Variants in UBXN2B observed in about 807,000 individuals in gnomAD.
UBXN2B encodes UBX domain-containing protein 2B.
In UBXN2B, 19 loss-of-function variants were observed where a neutral mutation model predicts 37.5. That is an observed-to-expected ratio of 0.51 (90% CI 0.35 to 0.74). The LOEUF (loss-of-function observed/expected upper bound fraction) is 0.74, where lower values mean the gene tolerates loss of function less well. Ranked by LOEUF, UBXN2B falls within the 30% of genes least tolerant of loss-of-function variation. The probability of loss-of-function intolerance (pLI) is 0.01; values close to 1 mark genes in which losing one functional copy is unlikely to be tolerated. For missense variants in UBXN2B, 370 were observed against 393.2 expected (o/e 0.94, Z 0.50); for synonymous variants, 145 against 143.8 (o/e 1.01, Z -0.06).
rs1026019192 is a variant in UBXN2B, at chr8:58,447,318, T to C, written c.834-71T>C. On this transcript the variant is annotated intron_variant, in intron 7 of 7. Coordinates refer to ENST00000399598, the MANE Select transcript of UBXN2B (RefSeq NM_001077619.2). ...GATTAAAATTTTGTGATTTTTATTATGATTCAGTTTTAAGTTTACATGAAA... is the reference window on the plus strand; with the variant it reads ...GATTAAAATTTTGTGATTTTTATTACGATTCAGTTTTAAGTTTACATGAAA... The C allele has an allele frequency of 6.1e-5, 84 of 1,384,644 alleles. No individual in the cohort carries two copies. The South Asian group carries it at 1.4e-3, about 23-fold the overall frequency. The allele number at this position is 1,384,644 out of a possible 1,614,324, so 85.8% of individuals were successfully genotyped here. A position where few individuals can be genotyped will look rare whatever the true frequency, so the allele number is the denominator to read the frequency against.
At chr8:58,425,954 C>CAT (rs1208405445) in intron 2 of UBXN2B, 1 of 1,418,890 alleles carries the variant, frequency 7.0e-7, no homozygotes, top group Non-Finnish European at 9.9e-7. Flanking sequence ...CTGGCTCTCT[C>CAT]ATACAAGAAA....
At chr8:58,435,074 T>A in intron 5 of UBXN2B, 1 of 1,436,214 alleles carries the variant, frequency 7.0e-7, no homozygotes, top group Non-Finnish European at 9.1e-7. Context: ...TTTGCTATGA[T>A]AATAAAAGCT....
chr8:58,446,257 ATT>A (rs1808664995), intron 7 of UBXN2B, among the ~76,000 whole-genome samples, 189 bp downstream of exon 7: 1 of 98,030 alleles, frequency 1.0e-5, no homozygotes, highest in Non-Finnish European at 2.3e-5. Context: ...AATATGTGGT[ATT>A]TAAACAGTCT....
At position 58,445,777 on chromosome 8, in the gene UBXN2B, T is replaced by A. The variant is rs1229623915; in HGVS notation, c.672-130T>A. On this transcript the variant is annotated intron_variant, in intron 6 of 7. Transcript: ENST00000399598. ...AAGAATCGTAGGATCCAAAATAACT[T>A]TAATATAATGAAAGAGGTTGAAAGA... 7 of 761,336 alleles carry A rather than the reference T, an allele frequency of 9.2e-6. No individual in the cohort carries two copies. The Admixed American group carries it at 1.2e-4, about 13-fold the overall frequency. The allele number at this position is 761,336 out of a possible 1,614,324, so 47.2% of individuals were successfully genotyped here.
intron 4 of UBXN2B, among the ~76,000 whole-genome samples, chr8:58,434,122 C>T (rs1399811340): frequency 6.6e-6 from 1 of 152,038 alleles, no homozygotes; most frequent in Non-Finnish European, 1.5e-5. Context: ...AATTGTACTT[C>T]GAGGCCAGGG....
intron 5 of UBXN2B, chr8:58,435,082 G>C: frequency 4.9e-6 from 7 of 1,431,176 alleles, no homozygotes; most frequent in Non-Finnish European, 6.4e-6. Context: ...GATAATAAAA[G>C]CTTTTCTGTG....
At chr8:58,444,767 C>G (rs1040952526) in intron 6 of UBXN2B, among the ~76,000 whole-genome samples, 2 of 152,050 alleles carry the variant, frequency 1.3e-5, no homozygotes, top group Admixed American at 6.6e-5. Flanking sequence ...TAATTTTAAC[C>G]TTATGTATAT....
At chr8:58,426,102 T>G (rs1030375037) in intron 2 of UBXN2B, 4 of 1,380,230 alleles carry the variant, frequency 2.9e-6, no homozygotes, top group Admixed American at 1.7e-5. Flanking sequence ...TTCTTCTCTT[T>G]TAATTGCCCG....
Position 58,451,163 on chromosome 8 carries a change from T to C in UBXN2B, c.*3612T>C, listed in dbSNP as rs1341464942. 1 of 152,632 alleles carries C rather than the reference T, an allele frequency of 6.6e-6. No individual in the cohort carries two copies. The highest frequency in any genetic ancestry group is 2.4e-5 in the African/African-American group (1 of 41,448). The allele number at this position is 152,632 out of a possible 1,614,324, so 9.5% of individuals were successfully genotyped here. On this transcript the variant is annotated 3_prime_UTR_variant, in exon 8 of 8. Transcript: ENST00000399598. ...CCTTGTAAAATTATTTGAAATTTTC[T>C]TGTTTTTATCAGTTGAGTGCCTATA...
intron 5 of UBXN2B, among the ~76,000 whole-genome samples, chr8:58,435,278 G>T (rs529959044): frequency 1.3e-5 from 2 of 152,300 alleles, no homozygotes; most frequent in Admixed American, 1.3e-4. Flanking sequence ...TCCAAATGTT[G>T]AAATATGTCC....
At chr8:58,424,195 G>GA (rs34689473) in intron 2 of UBXN2B, among the ~76,000 whole-genome samples, 21 of 105,626 alleles carry the variant, frequency 2.0e-4, no homozygotes, top group Admixed American at 1.5e-3. Context: ...CGACAATGAG[G>GA]AAAAAAAAAT....
intron 2 of UBXN2B, among the ~76,000 whole-genome samples, chr8:58,429,244 G>A (rs888672214): frequency 1.3e-5 from 2 of 151,906 alleles, no homozygotes; most frequent in Non-Finnish European, 2.9e-5. Flanking sequence ...GAGGGGAGGA[G>A]TGTTACGGCA....
chr8:58,447,821 T>C lies in UBXN2B; in HGVS notation c.*270T>C, dbSNP rs1234417403. The C allele has an allele frequency of 3.9e-6, 1 of 258,204 alleles. No individual in the cohort carries two copies. The highest frequency in any genetic ancestry group is 7.2e-6 in the Non-Finnish European group (1 of 138,280). 16.0% of individuals were successfully genotyped at this position (258,204 alleles called of 1,614,324 possible). On this transcript the variant is annotated 3_prime_UTR_variant, in exon 8 of 8. Transcript: ENST00000399598. ...GGCAAATGAGTTGTTACATGCTTAGTGTTAATGTAACAACATTTGTTTGCA... is the reference window on the plus strand; with the variant it reads ...GGCAAATGAGTTGTTACATGCTTAGCGTTAATGTAACAACATTTGTTTGCA...
intron 2 of UBXN2B, chr8:58,425,709 G>A (rs1268105647): frequency 2.5e-5 from 29 of 1,168,656 alleles, no homozygotes; most frequent in Middle Eastern, 2.9e-4. Context: ...ACATTTATAC[G>A]AGTCGTGTTA....
chr8:58,425,973 G>C, intron 2 of UBXN2B: 1 of 1,446,960 alleles, frequency 6.9e-7, no homozygotes, highest in Non-Finnish European at 9.7e-7. Context: ...AAACTACCAT[G>C]TTTTCCTTTT....
At chr8:58,425,784 C>A (rs1442978746) in intron 2 of UBXN2B, 1 of 1,167,818 alleles carries the variant, frequency 8.6e-7, no homozygotes, top group Non-Finnish European at 1.3e-6. Context: ...TTGTAATGTT[C>A]CACAAGATCT....
At chr8:58,423,395 A>T (rs1585599829) in intron 2 of UBXN2B, among the ~76,000 whole-genome samples, 2 of 151,674 alleles carry the variant, frequency 1.3e-5, no homozygotes, top group East Asian at 3.9e-4. Flanking sequence ...AGCTGAGCCC[A>T]ACTCAAATTG....
chr8:58,419,948 T>G (rs2129603771), intron 2 of UBXN2B, among the ~76,000 whole-genome samples: 2 of 152,366 alleles, frequency 1.3e-5, no homozygotes, highest in Admixed American at 1.3e-4. Flanking sequence ...TAATTGGTTT[T>G]GAACAAGGGG....
At chr8:58,421,997 T>C (rs1383740600) in intron 2 of UBXN2B, among the ~76,000 whole-genome samples, 1 of 152,230 alleles carries the variant, frequency 6.6e-6, no homozygotes, top group East Asian at 1.9e-4. Context: ...AATCAAACTC[T>C]TGTGTGCTGG....
Sources: allele counts gnomAD v4.1 joint callset (sites outside exome capture counted in the v4.1 genomes callset), GRCh38; gene constraint gnomAD v4.1.1; transcripts MANE v1.5; gene names NCBI Gene and HGNC (gene_info 2026-07-23, HGNC 2026-07-21).